Variants in IDNK observed in about 807,000 individuals in gnomAD.
IDNK encodes the protein gluconokinase.
In IDNK, 9 loss-of-function variants were observed where a neutral mutation model predicts 13.0. The observed-to-expected ratio is 0.69, with a 90% confidence interval of 0.42 to 1.21. IDNK has a LOEUF of 1.21. IDNK is among the 50% of genes most tolerant of loss of function. The probability of loss-of-function intolerance (pLI) is 0.00; values close to 1 mark genes in which losing one functional copy is unlikely to be tolerated. For missense variants in IDNK, 210 were observed against 237.8 expected (o/e 0.88, Z 0.77); for synonymous variants, 92 against 94.9 (o/e 0.97, Z 0.18).
At chr9:83,634,293 C>T (rs558669542) in intron 3 of IDNK, among the ~76,000 whole-genome samples, 66 of 152,210 alleles carry the variant, frequency 4.3e-4, no homozygotes, top group Admixed American at 1.8e-3. Flanking sequence ...CCATAAATTC[C>T]GATAAGGTGG....
Position 83,631,451 on chromosome 9 carries a change from G to GAAAAAAAAAAAA in IDNK, c.168+2500_168+2511dup, listed in dbSNP as rs57832482. 9.6e-3 allele frequency among the ~76,000 whole-genome samples: 544 copies of GAAAAAAAAAAAA among 56,874 alleles called. 99 individuals are homozygous for GAAAAAAAAAAAA. The highest frequency in any genetic ancestry group is 0.027 in the African/African-American group (378 of 13,946). The allele number at this position is 56,874 out of a possible 152,430, so 37.3% of individuals were successfully genotyped here. A position where few individuals can be genotyped will look rare whatever the true frequency, so the allele number is the denominator to read the frequency against. ...GCAAGTCCCTGCCTCTACAAAAACT[G>GAAAAAAAAAAAA]AAAAAAAAAAAAAAAAAAAGGCTGG... On this transcript the variant is annotated intron_variant, in intron 3 of 4. Transcript: ENST00000376419.
At chr9:83,637,308 A>C (rs1341886944) in intron 3 of IDNK, among the ~76,000 whole-genome samples, 1 of 152,268 alleles carries the variant, frequency 6.6e-6, no homozygotes, top group Non-Finnish European at 1.5e-5. Context: ...GCAGTGCTTT[A>C]AAAATAATCT....
Position 83,643,791 on chromosome 9 carries a change from G to T in IDNK, c.*11G>T, listed in dbSNP as rs756514286. On this transcript the variant is annotated 3_prime_UTR_variant, in exon 5 of 5. Transcript: ENST00000376419. ...CTAAAAATGAAATGACAATGATTTTGTATCAGTGGTCCAAACAGAACTAAG... is the reference window on the plus strand; with the variant it reads ...CTAAAAATGAAATGACAATGATTTTTTATCAGTGGTCCAAACAGAACTAAG... 14 of 1,570,484 alleles carry T rather than the reference G, an allele frequency of 8.9e-6. No homozygotes were observed. In the African/African-American group the frequency reaches 1.4e-4, roughly 15 times the overall value.
intron 1 of IDNK, among the ~76,000 whole-genome samples, chr9:83,625,530 C>T (rs984337708): frequency 2.6e-5 from 4 of 152,130 alleles, no homozygotes; most frequent in South Asian, 2.1e-4. Context: ...CTTTCAGTGG[C>T]GCAGGGTCAG....
chr9:83,643,496 T>C lies in IDNK; in HGVS notation c.280T>C (p.Leu94=). 1 of 1,613,812 alleles carries C rather than the reference T, an allele frequency of 6.2e-7. No homozygotes were observed. Among genetic ancestry groups the C allele is most frequent in the Non-Finnish European group, 8.5e-7 (1 of 1,179,908 alleles). The change falls in exon 5 of 5, where the codon TTA becomes CTA. Residue 94 remains leucine, a synonymous_variant. Transcript: ENST00000376419. ...SALKKTYRDI[L]TQGKDGVALK... Reference sequence around the variant, plus strand: ...CCTGAAGAAAACGTACAGAGACATATTAACACAAGGAAAAGATGGTGTAGC... The same window carrying C: ...CCTGAAGAAAACGTACAGAGACATACTAACACAAGGAAAAGATGGTGTAGC...
rs772708500 is a variant in IDNK, at chr9:83,641,558, C to T, written c.179C>T (p.Pro60Leu). Reference sequence around the variant, plus strand: ...TTTTGTTTTTTTCAGGACCGGATTCCATGGCTCTGTAACTTGCATGACATT... The same window carrying T: ...TTTTGTTTTTTTCAGGACCGGATTCTATGGCTCTGTAACTTGCATGACATT... Reference protein sequence around the residue: ...GIPLNDQDRIPWLCNLHDILL... With the variant: ...GIPLNDQDRILWLCNLHDILL... The change falls in exon 4 of 5, where the codon CCA becomes CTA. Residue 60 changes from proline to leucine, a missense_variant. Pro to Leu is a moderately conservative substitution (Grantham distance 98). Coordinates refer to ENST00000376419, the MANE Select transcript of IDNK (RefSeq NM_001001551.4). The T allele has an allele frequency of 3.1e-6, 5 of 1,614,074 alleles. No individual in the cohort carries two copies. In the South Asian group the frequency reaches 5.5e-5, roughly 18 times the overall value.
At chr9:83,642,945 G>A (rs1831352792) in intron 4 of IDNK, among the ~76,000 whole-genome samples, 1 of 152,168 alleles carries the variant, frequency 6.6e-6, no homozygotes, top group Admixed American at 6.5e-5. Context: ...CCCAGACACT[G>A]TAGAGTAGGA....
intron 3 of IDNK, among the ~76,000 whole-genome samples, chr9:83,633,212 G>A (rs1051192336): frequency 3.0e-4 from 46 of 152,290 alleles, no homozygotes; most frequent in African/African-American, 1.0e-3. Flanking sequence ...GGTGGCAGGC[G>A]CCTGTAGTCC....
At chr9:83,634,596 G>T (rs1235591912) in intron 3 of IDNK, among the ~76,000 whole-genome samples, 2 of 152,200 alleles carry the variant, frequency 1.3e-5, no homozygotes, top group African/African-American at 4.8e-5. Context: ...TAATGAATAA[G>T]ATAGTCAACA....
At chr9:83,640,198 C>T (rs1831266088) in intron 3 of IDNK, among the ~76,000 whole-genome samples, 1 of 152,056 alleles carries the variant, frequency 6.6e-6, no homozygotes. Flanking sequence ...CAAAAAAGGC[C>T]CCAGGCCCAG....
chr9:83,625,640 T>G (rs1042061854), intron 1 of IDNK, among the ~76,000 whole-genome samples: 5 of 152,246 alleles, frequency 3.3e-5, no homozygotes, highest in Non-Finnish European at 7.3e-5. Context: ...TTTAGTGACT[T>G]TGTGAACCCC....
intron 3 of IDNK, among the ~76,000 whole-genome samples, chr9:83,635,216 C>T (rs1460208906): frequency 6.6e-6 from 1 of 152,194 alleles, no homozygotes; most frequent in Non-Finnish European, 1.5e-5. Context: ...ATGTGAGACC[C>T]CTACCAATCA....
At position 83,623,179 on chromosome 9, in the gene IDNK, C is replaced by A. The variant is rs1233528096; in HGVS notation, c.8C>A (p.Ala3Glu). Residue 3 changes from alanine to glutamate, a missense_variant, in exon 1 of 5, where the codon GCG (alanine) becomes GAG (glutamate). Physicochemically the swap from Ala to Glu is moderately radical, Grantham distance 107 (BLOSUM62 -1). Transcript: ENST00000376419. ...AGGAGCCGAGCTTGGGTTATGGCGG[C>A]GCCGGGCGCGCTGCTGGTGATGGGC... is the stretch of plus-strand genomic sequence containing the variant. The part of the protein sequence containing the change: MA[A>E]PGALLVMGVS... The A allele has an allele frequency of 7.1e-7, 1 of 1,399,892 alleles. No individual in the cohort carries two copies. Among genetic ancestry groups the A allele is most frequent in the Non-Finnish European group, 9.2e-7 (1 of 1,083,796 alleles). 86.7% of individuals were successfully genotyped at this position (1,399,892 alleles called of 1,614,324 possible).
chr9:83,642,426 G>A (rs1831336430), intron 4 of IDNK, among the ~76,000 whole-genome samples: 1 of 152,010 alleles, frequency 6.6e-6, no homozygotes, highest in Non-Finnish European at 1.5e-5. Context: ...TGGGTTTCAA[G>A]GTTTGAAAAT....
chr9:83,624,903 CG>C (rs1830807569), intron 1 of IDNK, among the ~76,000 whole-genome samples: 1 of 151,910 alleles, frequency 6.6e-6, no homozygotes, highest in Non-Finnish European at 1.5e-5. Flanking sequence ...TTAGTAGAGA[CG>C]GGGTTTCATC....
chr9:83,633,195 C>T (rs1163430380), intron 3 of IDNK, among the ~76,000 whole-genome samples: 2 of 152,036 alleles, frequency 1.3e-5, no homozygotes, highest in Non-Finnish European at 2.9e-5. Flanking sequence ...CAAAATTAGC[C>T]GGGCGTGGTG....
chr9:83,630,271 T>C (rs931779044), intron 3 of IDNK, among the ~76,000 whole-genome samples: 11 of 152,198 alleles, frequency 7.2e-5, no homozygotes, highest in Non-Finnish European at 4.4e-5. Flanking sequence ...GTTTGCAACA[T>C]TTGATTTTAG....
chr9:83,631,966 T>TG (rs2131625079), intron 3 of IDNK, among the ~76,000 whole-genome samples: 1 of 147,936 alleles, frequency 6.8e-6, no homozygotes, highest in African/African-American at 2.7e-5. Context: ...GGGCTTTTTT[T>TG]GGGAAAAAAA....
Position 83,643,800 on chromosome 9 carries a change from G to A in IDNK, c.*20G>A, listed in dbSNP as rs1489782373. 4 of 1,546,040 alleles carry A rather than the reference G, an allele frequency of 2.6e-6. No homozygotes were observed. The African/African-American group carries it at 4.1e-5, about 16-fold the overall frequency. ...AAATGACAATGATTTTGTATCAGTG[G>A]TCCAAACAGAACTAAGCATAAATCA... is the stretch of plus-strand genomic sequence containing the variant. On this transcript the variant is annotated 3_prime_UTR_variant, in exon 5 of 5. Transcript: ENST00000376419.
Sources: gnomAD v4.1 joint callset for allele counts (sites outside exome capture counted in the v4.1 genomes callset) on GRCh38, gnomAD v4.1.1 for gene constraint, MANE v1.5 for transcripts, NCBI Gene and HGNC (gene_info 2026-07-23, HGNC 2026-07-21) for gene names.